KCNMA1: variants seen among roughly 807,000 people sequenced by gnomAD.
KCNMA1 encodes the protein Calcium-activated potassium channel subunit alpha-1.
KCNMA1 carries 29 observed loss-of-function variants against 140.0 expected under a neutral mutation model. That is an observed-to-expected ratio of 0.21 (90% CI 0.15 to 0.28). KCNMA1 has a LOEUF of 0.28. KCNMA1 is among the 10% of genes least tolerant of loss of function. KCNMA1 has a pLI of 1.00. For missense variants in KCNMA1, 880 were observed against 1,602.2 expected (o/e 0.55, Z 7.70); for synonymous variants, 612 against 611.9 (o/e 1.00, Z 0.00).
chr10:77,221,256 G>A (rs2049559976), intron 3 of KCNMA1, among the ~76,000 whole-genome samples: 1 of 152,090 alleles, frequency 6.6e-6, no homozygotes, highest in Admixed American at 6.5e-5. Flanking sequence ...TTCTGGAAAT[G>A]ACCTTCTAAT....
intron 1 of KCNMA1, among the ~76,000 whole-genome samples, chr10:77,589,845 A>G (rs2078464585): frequency 6.6e-6 from 1 of 152,102 alleles, no homozygotes; most frequent in Admixed American, 6.5e-5. Flanking sequence ...CAAAGCTTCC[A>G]CAGTGTGGAA....
At chr10:77,506,838 AGAGTGT>A (rs760729420) in intron 1 of KCNMA1, among the ~76,000 whole-genome samples, 24 of 123,926 alleles carry the variant, frequency 1.9e-4, no homozygotes, top group Admixed American at 7.2e-4. Flanking sequence ...AGAGAGAGAG[AGAGTGT>A]GTGTGTGTGT....
chr10:77,466,240 G>T (rs1433573376), intron 1 of KCNMA1, among the ~76,000 whole-genome samples: 3 of 152,168 alleles, frequency 2.0e-5, no homozygotes, highest in African/African-American at 7.2e-5. Context: ...TAGAGAGCAA[G>T]CTCCCTGTGG....
intron 1 of KCNMA1, among the ~76,000 whole-genome samples, chr10:77,619,318 CT>C (rs1567908852): frequency 3.4e-5 from 1 of 29,000 alleles, no homozygotes; most frequent in Non-Finnish European, 6.2e-5. Context: ...CTGTCTGTCT[CT>C]CTCTCTCTCT....
chr10:76,967,547 G>C (rs1194808768), intron 20 of KCNMA1, among the ~76,000 whole-genome samples: 2 of 152,194 alleles, frequency 1.3e-5, no homozygotes, highest in African/African-American at 4.8e-5. Context: ...GATATGGAGA[G>C]AGGGCTCAGG....
At chr10:77,347,194 T>C (rs974607287) in intron 2 of KCNMA1, among the ~76,000 whole-genome samples, 1 of 152,150 alleles carries the variant, frequency 6.6e-6, no homozygotes, top group Non-Finnish European at 1.5e-5. Context: ...TACAGTGTCA[T>C]TGGGAGCTAA....
chr10:77,190,800 GC>G (rs2098932638), intron 3 of KCNMA1, among the ~76,000 whole-genome samples: 1 of 152,078 alleles, frequency 6.6e-6, no homozygotes. Flanking sequence ...GATCCCATCG[GC>G]TGAGGGGAAG....
chr10:77,528,651 G>A (rs190378750), intron 1 of KCNMA1, among the ~76,000 whole-genome samples: 42 of 139,498 alleles, frequency 3.0e-4, no homozygotes, highest in East Asian at 3.1e-4. Context: ...ACAAAAGCTC[G>A]TACACAAGTG....
chr10:77,497,289 T>C (rs752121888), intron 1 of KCNMA1, among the ~76,000 whole-genome samples: 97 of 152,238 alleles, frequency 6.4e-4, no homozygotes, highest in African/African-American at 2.2e-3. Context: ...GCATAACATA[T>C]TGAATGCCTC....
In KCNMA1 at chr10:76,906,308, A is replaced by T. The variant is rs191460384; in HGVS notation, c.3147+3658T>A. On this transcript the variant is annotated intron_variant, in intron 25 of 27. Transcript: ENST00000286628. Reference sequence around the variant, plus strand: ...ACCTGGTGCGACTGTGTGCATCAAGATGGTATCATTCTGAAAAATACATTT... The same window carrying T: ...ACCTGGTGCGACTGTGTGCATCAAGTTGGTATCATTCTGAAAAATACATTT... Among the ~76,000 whole-genome samples the T allele has an allele frequency of 4.4e-3, 668 of 152,296 alleles. 3 individuals carry two copies. Among genetic ancestry groups the T allele is most frequent in the Admixed American group, 7.3e-3 (111 of 15,292 alleles).
At chr10:76,999,510 G>A (rs920462128) in intron 19 of KCNMA1, among the ~76,000 whole-genome samples, 1 of 152,130 alleles carries the variant, frequency 6.6e-6, no homozygotes, top group East Asian at 1.9e-4. Flanking sequence ...GCCACCTCAG[G>A]CCCTCCTCTG....
At chr10:77,389,737 TC>T (rs2095746497) in intron 2 of KCNMA1, among the ~76,000 whole-genome samples, 1 of 152,006 alleles carries the variant, frequency 6.6e-6, no homozygotes, top group Non-Finnish European at 1.5e-5. Context: ...ACGGCATCCT[TC>T]CCCCTGCCCA....
chr10:77,600,661 T>G (rs2082322862), intron 1 of KCNMA1, among the ~76,000 whole-genome samples: 1 of 152,024 alleles, frequency 6.6e-6, no homozygotes, highest in Admixed American at 6.6e-5. Context: ...GGCAGGAGAA[T>G]CGCTTGAACC....
intron 2 of KCNMA1, among the ~76,000 whole-genome samples, chr10:77,346,309 C>T (rs2092125118): frequency 6.6e-6 from 1 of 152,108 alleles, no homozygotes; most frequent in Non-Finnish European, 1.5e-5. Context: ...CCTTAACAAC[C>T]CACCTTGGTT....
intron 1 of KCNMA1, among the ~76,000 whole-genome samples, chr10:77,410,912 C>A (rs561751918): frequency 6.6e-6 from 1 of 152,254 alleles, no homozygotes; most frequent in Non-Finnish European, 1.5e-5. Flanking sequence ...CTGTCTTCTC[C>A]GGAGTGTGTC....
chr10:77,396,491 T>C (rs968372259), intron 2 of KCNMA1, among the ~76,000 whole-genome samples: 1 of 152,204 alleles, frequency 6.6e-6, no homozygotes, highest in Non-Finnish European at 1.5e-5. Flanking sequence ...TGCCCATGTG[T>C]ACTCCCACTG....
At chr10:77,385,472 A>T (rs2154434202) in intron 2 of KCNMA1, among the ~76,000 whole-genome samples, 1 of 152,372 alleles carries the variant, frequency 6.6e-6, no homozygotes, top group South Asian at 2.1e-4. Context: ...AAGTACTACG[A>T]TTGTCTTCTG....
chr10:77,619,900 G>A (rs1421029141), intron 1 of KCNMA1, among the ~76,000 whole-genome samples: 6 of 152,184 alleles, frequency 3.9e-5, no homozygotes, highest in Non-Finnish European at 7.4e-5. Context: ...AAGACTTGGA[G>A]GATGGAGGAG....
At position 76,952,625 on chromosome 10, in the gene KCNMA1, C is replaced by CT. The variant is rs567243628; in HGVS notation, c.2484+1175dup. On this transcript the variant is annotated intron_variant, in intron 21 of 27. Coordinates refer to ENST00000286628, the MANE Select transcript of KCNMA1 (RefSeq NM_001161352.2). ...AACAGCTGTTTGCTAAGAATTCTGA[C>CT]TTTCTGTGCTCTTGCCTGCAACTTT... Among the ~76,000 whole-genome samples, 5 of 152,350 alleles carry CT rather than the reference C, an allele frequency of 3.3e-5. No homozygotes were observed. The East Asian group carries it at 9.6e-4, about 29-fold the overall frequency.
Sources: allele counts gnomAD v4.1 joint callset (sites outside exome capture counted in the v4.1 genomes callset), GRCh38; gene constraint gnomAD v4.1.1; transcripts MANE v1.5; gene names NCBI Gene and HGNC (gene_info 2026-07-23, HGNC 2026-07-21).